The following ARHGEF4 variants were observed in gnomAD, a reference collection of about 807,000 sequenced individuals.
ARHGEF4 encodes the protein APC-stimulated guanine nucleotide exchange factor 1.
A neutral mutation model predicts 162.0 loss-of-function variants in ARHGEF4; 119 were observed. That is an observed-to-expected ratio of 0.73 (90% CI 0.63 to 0.86). The LOEUF is 0.86. ARHGEF4 is among the 40% of genes least tolerant of loss of function. The probability of loss-of-function intolerance (pLI) is 0.00; values close to 1 mark genes in which losing one functional copy is unlikely to be tolerated. For synonymous variants in ARHGEF4, 1,014 were observed against 979.9 expected, an observed-to-expected ratio of 1.03 and a Z score of -0.65; for missense variants, 2,488 against 2,456.0, an observed-to-expected ratio of 1.01 and a Z score of -0.28.
chr2:130,916,740 G>C lies in ARHGEF4; in HGVS notation c.2794G>C (p.Glu932Gln). ...SIVLEKENTH[E>Q]RSPSSPKGEK... ...AGTTCTAGAGAAAGAGAACACCCATGAACGTTCCCCAAGTTCTCCCAAGGG... is the reference window on the plus strand; with the variant it reads ...AGTTCTAGAGAAAGAGAACACCCATCAACGTTCCCCAAGTTCTCCCAAGGG... The change falls in exon 2 of 14, where the codon GAA (glutamate) becomes CAA (glutamine). Residue 932 changes from glutamate to glutamine, a missense_variant. Glu to Gln is a conservative substitution (Grantham distance 29). Transcript: ENST00000409359. 6.4e-7 allele frequency: 1 copy of C among 1,550,682 alleles called. No homozygotes were observed. Among genetic ancestry groups the C allele is most frequent in the South Asian group, 1.2e-5 (1 of 84,046 alleles).
chr2:130,926,516 C>G (rs1682297024), intron 2 of ARHGEF4, among the ~76,000 whole-genome samples: 1 of 152,052 alleles, frequency 6.6e-6, no homozygotes, highest in African/African-American at 2.4e-5. Context: ...TTATTTAAAT[C>G]TTGTTTTGGA....
At chr2:130,890,680 T>C (rs1310136024) in intron 1 of ARHGEF4, among the ~76,000 whole-genome samples, 3 of 152,214 alleles carry the variant, frequency 2.0e-5, no homozygotes, top group Non-Finnish European at 1.5e-5. Flanking sequence ...CCGTTAAAGC[T>C]ATCTATTGAG....
At chr2:130,898,103 T>A (rs1318845178) in intron 1 of ARHGEF4, among the ~76,000 whole-genome samples, 1 of 152,218 alleles carries the variant, frequency 6.6e-6, no homozygotes, top group African/African-American at 2.4e-5. Flanking sequence ...TTCTTTTATA[T>A]GTAGAGCAGT....
At chr2:130,997,812 T>C (rs1558828471) in intron 4 of ARHGEF4, among the ~76,000 whole-genome samples, 1 of 152,240 alleles carries the variant, frequency 6.6e-6, no homozygotes, top group Non-Finnish European at 1.5e-5. Context: ...TGTTAGCTTA[T>C]GTGCAATTTC....
chr2:131,022,854 T>C (rs7369777), intron 4 of ARHGEF4, among the ~76,000 whole-genome samples: 126,980 of 151,460 alleles, frequency 0.84, 56,085 homozygotes, highest in Non-Finnish European at 0.98. Flanking sequence ...ACTTTGGCAC[T>C]ATGAAAACCC....
chr2:130,995,827 G>T (rs1200179148), intron 4 of ARHGEF4, among the ~76,000 whole-genome samples: 2 of 151,568 alleles, frequency 1.3e-5, no homozygotes, highest in African/African-American at 4.9e-5. Flanking sequence ...ACCCCTTGGG[G>T]CACTCTTGCA....
Position 130,982,345 on chromosome 2 carries a change from G to T in ARHGEF4, c.3985+35710G>T, listed in dbSNP as rs181408405. 2.2e-3 allele frequency among the ~76,000 whole-genome samples: 328 copies of T among 152,200 alleles called. 1 individual carries two copies. The highest frequency in any genetic ancestry group is 7.7e-3 in the African/African-American group (319 of 41,524). The stretch of plus-strand genomic sequence containing the variant: ...AATCAGGACTGAGAGCTTTAACTAT[G>T]AAAATGTTAATTAGCCAAATTTCTC... On this transcript the variant is annotated intron_variant, in intron 4 of 13. Transcript: ENST00000409359.
At chr2:130,967,169 C>T (rs1040694721) in intron 4 of ARHGEF4, among the ~76,000 whole-genome samples, 2 of 152,196 alleles carry the variant, frequency 1.3e-5, no homozygotes, top group African/African-American at 4.8e-5. Flanking sequence ...CCTCTAGACT[C>T]GCCTTGCTTT....
In ARHGEF4 at chr2:131,035,735, G is replaced by A. The variant is rs778685300; in HGVS notation, c.4126-3118G>A. 1.3e-4 allele frequency: 127 copies of A among 985,306 alleles called. 1 individual carries two copies. The Admixed American group carries it at 3.0e-3, about 23-fold the overall frequency. 61.0% of individuals were successfully genotyped at this position (985,306 alleles called of 1,614,324 possible). On this transcript the variant is annotated intron_variant, in intron 5 of 13. Transcript: ENST00000409359. Reference sequence around the variant, plus strand: ...AAATACGTGGTGTCAGTCTTCCCACGGGCAGAGCCCCTCTGCCCCCCTTGC... The same window carrying A: ...AAATACGTGGTGTCAGTCTTCCCACAGGCAGAGCCCCTCTGCCCCCCTTGC...
intron 4 of ARHGEF4, among the ~76,000 whole-genome samples, chr2:130,976,214 G>A (rs557448004): frequency 1.3e-5 from 2 of 152,282 alleles, no homozygotes; most frequent in East Asian, 3.9e-4. Context: ...GGTCTTGAGG[G>A]ATAAGAGGGA....
At chr2:130,955,047 A>G (rs1290880914) in intron 4 of ARHGEF4, among the ~76,000 whole-genome samples, 2 of 151,898 alleles carry the variant, frequency 1.3e-5, no homozygotes, top group African/African-American at 4.8e-5. Flanking sequence ...TATTTCTTCC[A>G]TCTATTCAAA....
At chr2:131,030,158 T>C (rs1689751235) in intron 5 of ARHGEF4, among the ~76,000 whole-genome samples, 1 of 152,200 alleles carries the variant, frequency 6.6e-6, no homozygotes, top group Non-Finnish European at 1.5e-5. Context: ...GCTGCGTTGA[T>C]CTTGTGTCTG....
intron 2 of ARHGEF4, among the ~76,000 whole-genome samples, chr2:130,921,382 C>T (rs752548476): frequency 1.3e-5 from 2 of 152,058 alleles, no homozygotes; most frequent in East Asian, 1.9e-4. Context: ...GGGTTGTGCC[C>T]GTTTGGGGCT....
intron 2 of ARHGEF4, among the ~76,000 whole-genome samples, chr2:130,929,605 T>C (rs1682500558): frequency 6.6e-6 from 1 of 152,156 alleles, no homozygotes; most frequent in African/African-American, 2.4e-5. Flanking sequence ...TCATTTTCCA[T>C]GTACTTACCT....
At chr2:131,011,725 G>A in intron 4 of ARHGEF4, 2 of 1,340,212 alleles carry the variant, frequency 1.5e-6, no homozygotes, top group African/African-American at 2.9e-5. Flanking sequence ...AGCTTTGGAT[G>A]CTGTGGTAAG....
chr2:130,904,729 A>C (rs1262841049), intron 1 of ARHGEF4, among the ~76,000 whole-genome samples: 1 of 152,062 alleles, frequency 6.6e-6, no homozygotes, highest in Non-Finnish European at 1.5e-5. Context: ...TAAATTATGA[A>C]GATAATTTAA....
intron 5 of ARHGEF4, 136 bp from the exon 6 acceptor site, chr2:131,038,717 G>GAGGCAGCCTTGTC (rs1379847917): frequency 1.1e-6 from 1 of 948,240 alleles, no homozygotes; most frequent in Non-Finnish European, 1.5e-6. Context: ...GCTCCTGTCA[G>GAGGCAGCCTTGTC]AGGCAGCCTT....
chr2:130,878,410 C>G (rs1408217629), intron 1 of ARHGEF4, among the ~76,000 whole-genome samples: 1 of 152,148 alleles, frequency 6.6e-6, no homozygotes, highest in Non-Finnish European at 1.5e-5. Flanking sequence ...AAAGAGCATC[C>G]TATTTGTGAC....
At chr2:131,042,025 A>G in intron 10 of ARHGEF4, 81 bp downstream of exon 10, 1 of 1,511,696 alleles carries the variant, frequency 6.6e-7, no homozygotes, top group Admixed American at 2.1e-5. Flanking sequence ...AAAAATCTAG[A>G]AGGGAGCTGA....
Sources: gnomAD v4.1 joint callset for allele counts (sites outside exome capture counted in the v4.1 genomes callset) on GRCh38, gnomAD v4.1.1 for gene constraint, MANE v1.5 for transcripts, NCBI Gene and HGNC (gene_info 2026-07-23, HGNC 2026-07-21) for gene names.